DPP6: variants seen among roughly 807,000 people sequenced by gnomAD.
The protein encoded by DPP6 is dipeptidyl peptidase like 6, also known as A-type potassium channel modulatory protein DPP6.
In DPP6, 69 loss-of-function variants were observed where a neutral mutation model predicts 122.6. The ratio of observed to expected loss-of-function variants is 0.56; its 90% CI spans 0.46 to 0.69. The LOEUF (loss-of-function observed/expected upper bound fraction) is 0.69, where lower values mean the gene tolerates loss of function less well. Ranked by LOEUF, DPP6 falls within the 30% of genes least tolerant of loss-of-function variation. The pLI, the probability that DPP6 is intolerant of heterozygous loss-of-function variation, is 0.00. For missense variants in DPP6, 928 were observed against 1,116.9 expected (o/e 0.83, Z 2.41); for synonymous variants, 418 against 433.1 (o/e 0.97, Z 0.43).
At chr7:154,051,109 A>G (rs2533736), upstream of DPP6, among the ~76,000 whole-genome samples, 18 of 122,822 alleles carry the variant, frequency 1.5e-4, 3 homozygotes, top group South Asian at 5.1e-4. Context: ...TGTGAGTGGC[A>G]GCCGAGGCTG....
intron 1 of DPP6, among the ~76,000 whole-genome samples, chr7:153,967,782 AGAGTTTAGGAACAG>A: frequency 6.6e-6 from 1 of 152,138 alleles, no homozygotes. Flanking sequence ...TAGGGTTGCT[AGAGTTTAGGAACAG>A]GAATCAGATG....
At chr7:154,839,363 ACT>A (rs1162461313) in intron 16 of DPP6, among the ~76,000 whole-genome samples, 1 of 152,186 alleles carries the variant, frequency 6.6e-6, no homozygotes, top group Non-Finnish European at 1.5e-5. Context: ...AAAGACATAG[ACT>A]CACACAGGGA....
intron 9 of DPP6, among the ~76,000 whole-genome samples, chr7:154,770,368 G>A (rs971257253): frequency 6.6e-6 from 1 of 152,126 alleles, no homozygotes; most frequent in African/African-American, 2.4e-5. Flanking sequence ...GCATGGGAAA[G>A]ACCTGCTCCC....
At chr7:153,870,916 T>A in the DPP6 span, among the ~76,000 whole-genome samples, 1 of 152,322 alleles carries the variant, frequency 6.6e-6, no homozygotes, top group South Asian at 2.1e-4. Flanking sequence ...AGAGGTCCAC[T>A]CCAGACCTTG....
At chr7:154,746,414 G>T (rs1843038457) in intron 8 of DPP6, among the ~76,000 whole-genome samples, 1 of 152,134 alleles carries the variant, frequency 6.6e-6, no homozygotes, top group African/African-American at 2.4e-5. Flanking sequence ...CACCTAATGA[G>T]GTGGGGACTT....
At chr7:154,541,704 G>T (rs939902586) in intron 4 of DPP6, among the ~76,000 whole-genome samples, 1 of 152,180 alleles carries the variant, frequency 6.6e-6, no homozygotes, top group African/African-American at 2.4e-5. Context: ...TGTGAATCCC[G>T]TTAAAGCGAT....
At chr7:154,412,112 G>A (rs978077579) in intron 1 of DPP6, among the ~76,000 whole-genome samples, 1 of 152,058 alleles carries the variant, frequency 6.6e-6, no homozygotes, top group African/African-American at 2.4e-5. Context: ...GAGCTCTGTG[G>A]GGTCTCTTTT....
At chr7:154,305,590 G>A (rs771801623) in intron 1 of DPP6, 14 of 1,571,032 alleles carry the variant, frequency 8.9e-6, no homozygotes, top group Admixed American at 1.9e-5. Context: ...GTGTGTGTGC[G>A]TGCGTGTGCA....
chr7:154,876,041 G>A lies in DPP6; in HGVS notation c.2019G>A (p.Leu673=). 6.2e-7 allele frequency: 1 copy of A among 1,611,988 alleles called. No homozygotes were observed. The highest frequency in any genetic ancestry group is 8.5e-7 in the Non-Finnish European group (1 of 1,178,828). ...GCGGCTTCCAAGGGACCAAGCTCCT[G>A]CACGAAGTGAGGCGGCGGCTGGGCT... The part of the protein sequence containing the change: ...RGSGFQGTKL[L]HEVRRRLGLL... The change falls in exon 20 of 26, where the codon CTG becomes CTA. Residue 673 remains leucine, a synonymous_variant. Coordinates refer to ENST00000377770, the MANE Select transcript of DPP6 (RefSeq NM_130797.4).
the DPP6 span, among the ~76,000 whole-genome samples, chr7:153,853,143 A>C: frequency 6.6e-6 from 1 of 152,172 alleles, no homozygotes; most frequent in African/African-American, 2.4e-5. Context: ...CATGGCTATA[A>C]TGTCCTCACT....
At chr7:153,804,628 C>T in the DPP6 span, among the ~76,000 whole-genome samples, 767 of 152,208 alleles carry the variant, frequency 5.0e-3, 2 homozygotes, top group Non-Finnish European at 7.0e-3. Context: ...GACCCATTGG[C>T]TCATGCCTGT....
intron 1 of DPP6, among the ~76,000 whole-genome samples, chr7:154,091,361 A>G (rs1456055498): frequency 1.3e-5 from 2 of 152,102 alleles, no homozygotes; most frequent in East Asian, 1.9e-4. Flanking sequence ...TGAGCGGTCT[A>G]TGGCTTTCTG....
the DPP6 span, among the ~76,000 whole-genome samples, chr7:153,871,315 G>A: frequency 5.9e-5 from 9 of 152,188 alleles, no homozygotes; most frequent in African/African-American, 9.6e-5. Context: ...TGAGCTTCCC[G>A]GCTGCTTTGT....
chr7:154,327,230 A>C (rs898612877), intron 1 of DPP6, among the ~76,000 whole-genome samples: 1 of 152,190 alleles, frequency 6.6e-6, no homozygotes, highest in Admixed American at 6.5e-5. Context: ...AAGAATCATT[A>C]GTTATTAGAA....
At chr7:154,357,510 A>T (rs1434087007) in intron 1 of DPP6, among the ~76,000 whole-genome samples, 1 of 152,218 alleles carries the variant, frequency 6.6e-6, no homozygotes, top group African/African-American at 2.4e-5. Flanking sequence ...GCAGAAAATA[A>T]ACACCTTTTC....
intron 1 of DPP6, chr7:154,055,457 CAA>C (rs962303799): frequency 6.6e-6 from 1 of 150,718 alleles, no homozygotes; most frequent in African/African-American, 2.4e-5. Context: ...TATTGAAAAA[CAA>C]AAACAAAAAA....
In DPP6 at chr7:154,762,486, G is replaced by A. The variant is rs60473713; in HGVS notation, c.884-6931G>A. Among the ~76,000 whole-genome samples, 500 of 152,356 alleles carry A rather than the reference G, an allele frequency of 3.3e-3. 2 individuals carry two copies. Among genetic ancestry groups the A allele is most frequent in the African/African-American group, 0.011 (469 of 41,586 alleles). ...GGAGGCATCTTGGGAAGAGGCTTCT[G>A]ATGTTCCATGCCTACTCCAGGCAGC... is the stretch of plus-strand genomic sequence containing the variant. On this transcript the variant is annotated intron_variant, in intron 8 of 25. Transcript: ENST00000377770.
chr7:153,795,870 A>C, the DPP6 span, among the ~76,000 whole-genome samples: 3 of 149,140 alleles, frequency 2.0e-5, no homozygotes, highest in Non-Finnish European at 4.5e-5. Context: ...TCTTCTTTGA[A>C]ATATAGATTA....
At chr7:154,816,430 A>G (rs1395129964) in intron 16 of DPP6, among the ~76,000 whole-genome samples, 1 of 152,186 alleles carries the variant, frequency 6.6e-6, no homozygotes, top group African/African-American at 2.4e-5. Context: ...CATTATATAT[A>G]TGGGGTTCAA....
Sources: allele counts gnomAD v4.1 joint callset (sites outside exome capture counted in the v4.1 genomes callset), GRCh38; gene constraint gnomAD v4.1.1; transcripts MANE v1.5; gene names NCBI Gene and HGNC (gene_info 2026-07-23, HGNC 2026-07-21).